DOK5: variants seen among roughly 807,000 people sequenced by gnomAD.
DOK5 encodes downstream of tyrosine kinase 5.
Under a neutral mutation model 43.3 loss-of-function variants are expected in DOK5, and 27 were observed. That is an observed-to-expected ratio of 0.62 (90% confidence interval 0.46 to 0.86). DOK5 has a LOEUF of 0.86. Ranked by LOEUF, DOK5 falls within the 40% of genes least tolerant of loss-of-function variation. DOK5 has a pLI of 0.00. For missense variants in DOK5, 373 were observed against 392.9 expected (o/e 0.95, Z 0.43); for synonymous variants, 146 against 140.1 (o/e 1.04, Z -0.30).
chr20:54,500,965 G>A (rs59897139), intron 1 of DOK5, among the ~76,000 whole-genome samples: 8,652 of 152,156 alleles, frequency 0.057, 864 homozygotes, highest in African/African-American at 0.2. Context: ...TAGGTACGTA[G>A]TTTACTTGAT....
At chr20:54,607,992 T>G (rs1986527273) in intron 5 of DOK5, among the ~76,000 whole-genome samples, 1 of 152,166 alleles carries the variant, frequency 6.6e-6, no homozygotes, top group South Asian at 2.1e-4. Flanking sequence ...TGATATAAAT[T>G]AAGCATTCCA....
At position 54,650,972 on chromosome 20, in the gene DOK5, T is replaced by C. The variant is rs1316582223; in HGVS notation, c.*493T>C. 1 of 153,688 alleles carries C rather than the reference T, an allele frequency of 6.5e-6. No individual in the cohort carries two copies. The highest frequency in any genetic ancestry group is 2.4e-5 in the African/African-American group (1 of 41,472). 9.5% of individuals were successfully genotyped at this position (153,688 alleles called of 1,614,324 possible). On this transcript the variant is annotated 3_prime_UTR_variant, in exon 8 of 8. Transcript: ENST00000262593. Reference sequence around the variant, plus strand: ...AATTATATTTGATTATATCACCAATTAGTTAAATCAGTGCTTCGACTCACT... The same window carrying C: ...AATTATATTTGATTATATCACCAATCAGTTAAATCAGTGCTTCGACTCACT...
intron 1 of DOK5, among the ~76,000 whole-genome samples, chr20:54,553,625 G>A (rs1191565400): frequency 6.6e-6 from 1 of 150,850 alleles, no homozygotes; most frequent in African/African-American, 2.4e-5. Flanking sequence ...TGCTGGGCGC[G>A]GTGGCTCACG....
chr20:54,566,687 G>T (rs1043342582), intron 2 of DOK5, among the ~76,000 whole-genome samples: 14 of 152,158 alleles, frequency 9.2e-5, no homozygotes, highest in African/African-American at 3.4e-4. Context: ...TATGATTAGG[G>T]TTCACTGCGG....
intron 1 of DOK5, among the ~76,000 whole-genome samples, chr20:54,544,097 ATCT>A (rs1034536572): frequency 2.0e-5 from 3 of 152,118 alleles, no homozygotes; most frequent in African/African-American, 7.2e-5. Flanking sequence ...AGGATTTTTA[ATCT>A]TCTTTATACA....
chr20:54,555,492 A>T (rs545746559), intron 2 of DOK5: 1 of 155,308 alleles, frequency 6.4e-6, no homozygotes, highest in Admixed American at 6.3e-5. Flanking sequence ...AAGTTTGATG[A>T]CTAAATTTTC....
chr20:54,572,580 GA>G (rs904801382), intron 2 of DOK5, among the ~76,000 whole-genome samples: 4 of 152,064 alleles, frequency 2.6e-5, no homozygotes, highest in African/African-American at 9.7e-5. Flanking sequence ...ATATAATTAA[GA>G]AAAAAATTAA....
At chr20:54,508,284 C>T (rs1406164148) in intron 1 of DOK5, among the ~76,000 whole-genome samples, 2 of 151,856 alleles carry the variant, frequency 1.3e-5, no homozygotes, top group Non-Finnish European at 2.9e-5. Flanking sequence ...TATTTTACTA[C>T]AATTTTTCTT....
intron 2 of DOK5, among the ~76,000 whole-genome samples, chr20:54,574,439 G>A (rs952075185): frequency 6.6e-6 from 1 of 152,136 alleles, no homozygotes; most frequent in African/African-American, 2.4e-5. Flanking sequence ...GTGTATAGCA[G>A]CTCACCTATT....
intron 1 of DOK5, among the ~76,000 whole-genome samples, chr20:54,479,290 C>T (rs936187446): frequency 4.6e-5 from 7 of 152,206 alleles, no homozygotes; most frequent in African/African-American, 2.4e-5. Context: ...CATCTGTATT[C>T]CCCAGCTTAA....
At chr20:54,630,638 C>A (rs1002301478) in intron 6 of DOK5, among the ~76,000 whole-genome samples, 1 of 152,132 alleles carries the variant, frequency 6.6e-6, no homozygotes, top group Admixed American at 6.6e-5. Flanking sequence ...TTAATAATTC[C>A]CTTCCTTGTT....
chr20:54,545,546 G>T (rs979254839), intron 1 of DOK5, among the ~76,000 whole-genome samples: 1 of 152,160 alleles, frequency 6.6e-6, no homozygotes, highest in Non-Finnish European at 1.5e-5. Flanking sequence ...AGAGCAAAAG[G>T]CTGAGAGTTA....
chr20:54,612,440 T>A (rs1368000196), intron 6 of DOK5, among the ~76,000 whole-genome samples: 1 of 152,206 alleles, frequency 6.6e-6, no homozygotes, highest in Non-Finnish European at 1.5e-5. Flanking sequence ...GATATTTGGT[T>A]AAACTTTCTT....
intron 1 of DOK5, among the ~76,000 whole-genome samples, chr20:54,493,814 C>T (rs1371575627): frequency 6.6e-6 from 1 of 152,100 alleles, no homozygotes; most frequent in African/African-American, 2.4e-5. Context: ...TGGCTGGCAC[C>T]TGTACTCCTA....
intron 1 of DOK5, among the ~76,000 whole-genome samples, chr20:54,532,794 C>T (rs1472919859): frequency 6.6e-6 from 1 of 152,206 alleles, no homozygotes; most frequent in African/African-American, 2.4e-5. Context: ...GACCTGCGAT[C>T]TGAGTGGCAT....
intron 2 of DOK5, among the ~76,000 whole-genome samples, chr20:54,566,240 T>A (rs578247793): frequency 5.9e-5 from 9 of 152,196 alleles, no homozygotes; most frequent in African/African-American, 2.2e-4. Context: ...TTGCTGTGCA[T>A]AGCAATAGTC....
chr20:54,506,217 A>C (rs911115575), intron 1 of DOK5, among the ~76,000 whole-genome samples: 4 of 152,176 alleles, frequency 2.6e-5, no homozygotes, highest in African/African-American at 9.6e-5. Context: ...GACTTGGTCA[A>C]CTGCAGGAAT....
At chr20:54,502,889 A>G (rs1260478949) in intron 1 of DOK5, among the ~76,000 whole-genome samples, 1 of 152,194 alleles carries the variant, frequency 6.6e-6, no homozygotes, top group Non-Finnish European at 1.5e-5. Flanking sequence ...ATCTTTACAT[A>G]AGTTGCTTTC....
chr20:54,607,053 A>G (rs1986493495), intron 5 of DOK5, among the ~76,000 whole-genome samples: 1 of 152,250 alleles, frequency 6.6e-6, no homozygotes, highest in Non-Finnish European at 1.5e-5. Flanking sequence ...ATAAAAGTCA[A>G]GAAGTCTTGC....
Sources: allele counts gnomAD v4.1 joint callset (sites outside exome capture counted in the v4.1 genomes callset), GRCh38; gene constraint gnomAD v4.1.1; transcripts MANE v1.5; gene names NCBI Gene and HGNC (gene_info 2026-07-23, HGNC 2026-07-21).